Variants in CLSTN2 observed in about 807,000 individuals in gnomAD.
CLSTN2 encodes the protein calsyntenin-2.
CLSTN2 carries 48 observed loss-of-function variants against 101.2 expected under a neutral mutation model. That is an observed-to-expected ratio of 0.47 (90% CI 0.38 to 0.60). The LOEUF is 0.60. CLSTN2 is among the 20% of genes least tolerant of loss of function. The pLI is 0.00. For synonymous variants in CLSTN2, 481 were observed against 463.6 expected (o/e 1.04, Z -0.48); for missense variants, 1,160 against 1,238.2 (o/e 0.94, Z 0.95).
intron 2 of CLSTN2, among the ~76,000 whole-genome samples, chr3:140,288,387 CA>C (rs2086917726): frequency 6.6e-6 from 1 of 152,122 alleles, no homozygotes; most frequent in African/African-American, 2.4e-5. Flanking sequence ...ACATTCCTTT[CA>C]CACTGATGCC....
At chr3:140,135,657 C>T (rs1471732035) in intron 1 of CLSTN2, among the ~76,000 whole-genome samples, 1 of 152,098 alleles carries the variant, frequency 6.6e-6, no homozygotes, top group African/African-American at 2.4e-5. Context: ...TAGTGGAGCA[C>T]ACAATAACAC....
intron 5 of CLSTN2, among the ~76,000 whole-genome samples, chr3:140,427,224 T>TAC (rs2088580302): frequency 1.4e-5 from 1 of 69,488 alleles, no homozygotes; most frequent in African/African-American, 8.6e-5. Flanking sequence ...TATATATATA[T>TAC]GTGTGTATAT....
chr3:140,375,105 C>CTGAGGGAAGATGTAGT (rs1310948911), intron 2 of CLSTN2, among the ~76,000 whole-genome samples: 6 of 152,068 alleles, frequency 3.9e-5, no homozygotes, highest in East Asian at 3.8e-4. Flanking sequence ...CAAAATGTAG[C>CTGAGGGAAGATGTAGT]TGAGGGGAGA....
chr3:140,121,885 G>A (rs372480895), intron 1 of CLSTN2, among the ~76,000 whole-genome samples: 2 of 152,142 alleles, frequency 1.3e-5, no homozygotes, highest in Non-Finnish European at 2.9e-5. Context: ...ACAGGAACAG[G>A]CAAACACAGG....
intron 1 of CLSTN2, among the ~76,000 whole-genome samples, chr3:139,946,710 A>G (rs73867229): frequency 0.05 from 7,593 of 152,224 alleles, 593 homozygotes; most frequent in African/African-American, 0.17. Flanking sequence ...TTCATTCTCC[A>G]TCCTGCCTAA....
chr3:140,328,923 A>G (rs1226482587), intron 2 of CLSTN2, among the ~76,000 whole-genome samples: 1 of 152,046 alleles, frequency 6.6e-6, no homozygotes, highest in Non-Finnish European at 1.5e-5. Flanking sequence ...GTGAGTTATT[A>G]TGAGGTTGTC....
At chr3:140,283,687 G>T (rs748900119) in intron 2 of CLSTN2, among the ~76,000 whole-genome samples, 2 of 152,154 alleles carry the variant, frequency 1.3e-5, no homozygotes, top group African/African-American at 2.4e-5. Context: ...AGATGAATGA[G>T]TCCAAACAGA....
intron 1 of CLSTN2, among the ~76,000 whole-genome samples, chr3:140,032,332 CT>C (rs982523156): frequency 0.012 from 1,495 of 120,362 alleles, 4 homozygotes; most frequent in African/African-American, 0.034. Flanking sequence ...CTAACAAGTA[CT>C]TTTTTTTTTT....
chr3:140,421,153 C>T lies in CLSTN2; in HGVS notation c.666C>T (p.Ser222=). 6.2e-7 allele frequency: 1 copy of T among 1,614,114 alleles called. No homozygotes were observed. Among genetic ancestry groups the T allele is most frequent in the Non-Finnish European group, 8.5e-7 (1 of 1,179,984 alleles). ...ACATCAGGAACACTGAGAAGCTGAG[C>T]TATGACAAACAACACCAGTATGAGA... is the stretch of plus-strand genomic sequence containing the variant. ...NGNIRNTEKL[S]YDKQHQYEIL... is the part of the protein sequence containing the mutation. The change falls in exon 5 of 17, where the codon AGC becomes AGT. Residue 222 remains serine, a synonymous_variant. Coordinates refer to ENST00000458420, the MANE Select transcript of CLSTN2 (RefSeq NM_022131.3).
intron 2 of CLSTN2, among the ~76,000 whole-genome samples, chr3:140,385,554 T>C (rs1207358801): frequency 1.3e-5 from 2 of 151,786 alleles, no homozygotes; most frequent in African/African-American, 4.8e-5. Flanking sequence ...TGTTGTTGTA[T>C]TTTTAGTAGA....
intron 1 of CLSTN2, among the ~76,000 whole-genome samples, chr3:139,981,251 G>A (rs1443222248): frequency 6.6e-6 from 1 of 152,166 alleles, no homozygotes; most frequent in East Asian, 1.9e-4. Flanking sequence ...CCCTCTTTGT[G>A]AAAACGCAGT....
At chr3:139,967,489 T>C (rs889042459) in intron 1 of CLSTN2, among the ~76,000 whole-genome samples, 2 of 152,164 alleles carry the variant, frequency 1.3e-5, no homozygotes, top group Non-Finnish European at 2.9e-5. Flanking sequence ...GGAATGGTCA[T>C]GGCTGTCACC....
intron 1 of CLSTN2, among the ~76,000 whole-genome samples, chr3:139,979,275 T>C (rs529337666): frequency 6.6e-6 from 1 of 152,220 alleles, no homozygotes; most frequent in Non-Finnish European, 1.5e-5. Context: ...TTGCCCCAGA[T>C]AGCAGAGCCC....
chr3:140,014,815 T>A (rs2007165587), intron 1 of CLSTN2, among the ~76,000 whole-genome samples: 1 of 152,124 alleles, frequency 6.6e-6, no homozygotes, highest in Admixed American at 6.6e-5. Flanking sequence ...TTTGTGGCCA[T>A]CGTAAGAACT....
At chr3:140,240,211 CACACACACACATATAT>C (rs1364210326) in intron 2 of CLSTN2, among the ~76,000 whole-genome samples, 1 of 19,258 alleles carries the variant, frequency 5.2e-5, no homozygotes, top group African/African-American at 8.1e-5. Flanking sequence ...CACACACACA[CACACACACACATATAT>C]ATATATGCAT....
At chr3:140,087,340 A>C (rs2008698073) in intron 1 of CLSTN2, among the ~76,000 whole-genome samples, 1 of 152,236 alleles carries the variant, frequency 6.6e-6, no homozygotes. Flanking sequence ...AAATGAGCTG[A>C]TTAAAGGTTA....
At chr3:140,175,852 G>C (rs1403596763) in intron 1 of CLSTN2, 99 bp from the exon 2 acceptor site, 3 of 1,134,400 alleles carry the variant, frequency 2.6e-6, no homozygotes, top group Non-Finnish European at 3.8e-6. Flanking sequence ...TGTTGGATGA[G>C]AGTCTATGAT....
chr3:140,468,324 A>G (rs1001874856), intron 8 of CLSTN2, among the ~76,000 whole-genome samples: 12 of 152,238 alleles, frequency 7.9e-5, no homozygotes, highest in Admixed American at 3.3e-4. Context: ...TGAGATAATT[A>G]TAGATATCCT....
intron 1 of CLSTN2, among the ~76,000 whole-genome samples, chr3:139,967,497 A>C (rs1180051311): frequency 6.6e-6 from 1 of 152,152 alleles, no homozygotes; most frequent in Non-Finnish European, 1.5e-5. Context: ...CATGGCTGTC[A>C]CCTATGTTCA....
Sources: allele counts gnomAD v4.1 joint callset (sites outside exome capture counted in the v4.1 genomes callset), GRCh38; gene constraint gnomAD v4.1.1; transcripts MANE v1.5; gene names NCBI Gene and HGNC (gene_info 2026-07-23, HGNC 2026-07-21).